The following SHROOM2 variants were observed in gnomAD, a reference collection of about 807,000 sequenced individuals.
SHROOM2 encodes the protein shroom family member 2.
SHROOM2 carries 33 observed loss-of-function variants against 75.9 expected under a neutral mutation model. The ratio of observed to expected loss-of-function variants is 0.43; its 90% CI spans 0.33 to 0.58. The LOEUF is 0.58. Among genes scored for constraint, SHROOM2 ranks in the 20% least tolerant of loss-of-function variants. The probability of loss-of-function intolerance (pLI) is 0.04; values close to 1 mark genes in which losing one functional copy is unlikely to be tolerated. For missense variants in SHROOM2, 1,434 were observed against 1,461.2 expected, an observed-to-expected ratio of 0.98 and a Z score of 0.30; for synonymous variants, 655 against 663.6, an observed-to-expected ratio of 0.99 and a Z score of 0.20.
At chrX:9,804,428 T>C (rs1335252769) in intron 1 of SHROOM2, among the ~76,000 whole-genome samples, 1 of 111,920 alleles carries the variant, frequency 8.9e-6, no homozygotes, top group Non-Finnish European at 1.9e-5. Flanking sequence ...CTTACATTCC[T>C]GGTAGCATCT....
chrX:9,932,703 C>T lies in SHROOM2; in HGVS notation c.3420C>T (p.Ser1140=), dbSNP rs755610751. 5.0e-6 allele frequency: 6 copies of T among 1,211,300 alleles called. No homozygotes were observed. The highest frequency in any genetic ancestry group is 2.2e-5 in the Admixed American group (1 of 46,090). ...TVCERGSQHV[S]GDASRPLPEA... ...GTGAGCGTGGAAGCCAGCATGTGAGCGGGGACGCATCACGTCCTCTGCCAG... is the reference window on the plus strand; with the variant it reads ...GTGAGCGTGGAAGCCAGCATGTGAGTGGGGACGCATCACGTCCTCTGCCAG... The change falls in exon 6 of 10, where the codon AGC becomes AGT. Residue 1140 remains serine, a synonymous_variant. Coordinates refer to ENST00000380913, the MANE Select transcript of SHROOM2 (RefSeq NM_001649.4).
chrX:9,881,572 A>G lies in SHROOM2; in HGVS notation c.317+7769A>G, dbSNP rs751485379. Among the ~76,000 whole-genome samples, 6 of 112,525 alleles carry G rather than the reference A, an allele frequency of 5.3e-5. No individual in the cohort carries two copies. The South Asian group carries it at 2.2e-3, about 42-fold the overall frequency. On this transcript the variant is annotated intron_variant, in intron 2 of 9. Coordinates refer to ENST00000380913, the MANE Select transcript of SHROOM2 (RefSeq NM_001649.4). The stretch of plus-strand genomic sequence containing the variant: ...GTATTTAATAGTTCTCTGAATGTGT[A>G]TAGGATCTGTAAAAAGTTTGGAATA...
At chrX:9,809,031 G>C (rs776563726) in intron 1 of SHROOM2, among the ~76,000 whole-genome samples, 3 of 109,406 alleles carry the variant, frequency 2.7e-5, no homozygotes, top group Non-Finnish European at 5.7e-5. Context: ...ACATCCATTA[G>C]TACTCCCTCC....
chrX:9,806,780 G>T (rs1392467390), intron 1 of SHROOM2, among the ~76,000 whole-genome samples: 2 of 107,863 alleles, frequency 1.9e-5, no homozygotes, highest in Non-Finnish European at 3.8e-5. Flanking sequence ...CTGGAGTGCA[G>T]TGGCACTATC....
Position 9,932,498 on chromosome X carries a change from C to T in SHROOM2, c.3215C>T (p.Pro1072Leu), listed in dbSNP as rs1467849464. The change falls in exon 6 of 10, where the codon CCC becomes CTC. Residue 1072 changes from proline to leucine, a missense_variant. Physicochemically the swap from Pro to Leu is moderately conservative, Grantham distance 98. Transcript: ENST00000380913. ...PQRPPPPKREPRRYRATDGAP... is the reference protein window; with the variant it reads ...PQRPPPPKRELRRYRATDGAP... ...AGGCCACCGCCACCCAAGCGCGAGC[C>T]CAGGAGATACAGGGCCACAGACGGC... 4 of 1,209,556 alleles carry T rather than the reference C, an allele frequency of 3.3e-6. No homozygotes were observed. The South Asian group carries it at 7.0e-5, about 21-fold the overall frequency.
At position 9,932,882 on chromosome X, in the gene SHROOM2, C is replaced by T. The variant is rs913048658; in HGVS notation, c.3587+12C>T. The T allele has an allele frequency of 6.1e-6, 7 of 1,149,506 alleles. No homozygotes were observed. Among genetic ancestry groups the T allele is most frequent in the Admixed American group, 2.4e-5 (1 of 41,686 alleles). 94.7% of individuals were successfully genotyped at this position (1,149,506 alleles called of 1,213,427 possible). On this transcript the variant is annotated intron_variant, in intron 6 of 9. Coordinates refer to ENST00000380913, the MANE Select transcript of SHROOM2 (RefSeq NM_001649.4). ...GAGGATTCAACCAGGTACTGTCCTG[C>T]GACGGTGTTCCCTCCCCATGAGGCT...
chrX:9,808,749 C>CT (rs1244970613), intron 1 of SHROOM2, among the ~76,000 whole-genome samples: 1 of 109,951 alleles, frequency 9.1e-6, no homozygotes, highest in Non-Finnish European at 1.9e-5. Flanking sequence ...ATAATCCCAG[C>CT]TACTCGGGAG....
chrX:9,817,721 A>C (rs1035843220), intron 1 of SHROOM2, among the ~76,000 whole-genome samples: 3 of 112,360 alleles, frequency 2.7e-5, no homozygotes, highest in African/African-American at 9.7e-5. Flanking sequence ...GAGGGACTAG[A>C]GATAAAACTT....
chrX:9,812,009 G>C (rs1186113567), intron 1 of SHROOM2, among the ~76,000 whole-genome samples: 2 of 111,840 alleles, frequency 1.8e-5, no homozygotes, highest in Non-Finnish European at 3.8e-5. Context: ...TTTATGGCTA[G>C]ATGGGCCAGA....
intron 2 of SHROOM2, among the ~76,000 whole-genome samples, chrX:9,882,516 A>T (rs1023355255): frequency 9.0e-6 from 1 of 111,244 alleles, no homozygotes; most frequent in Non-Finnish European, 1.9e-5. Flanking sequence ...TTTCTTTCCA[A>T]CAGTAATGGG....
intron 2 of SHROOM2, among the ~76,000 whole-genome samples, chrX:9,877,786 G>A (rs1428864466): frequency 9.3e-6 from 1 of 108,059 alleles, no homozygotes; most frequent in Non-Finnish European, 1.9e-5. Flanking sequence ...ACTTAGCCCA[G>A]TTGGGTTAGT....
chrX:9,939,442 C>A, intron 8 of SHROOM2, 76 bp downstream of exon 8: 1 of 906,252 alleles, frequency 1.1e-6, no homozygotes, highest in East Asian at 3.4e-5. Context: ...CCATCCTGCC[C>A]CAGCGCAGAC....
At chrX:9,916,599 A>C (rs2084492970) in intron 5 of SHROOM2, among the ~76,000 whole-genome samples, 1 of 112,038 alleles carries the variant, frequency 8.9e-6, no homozygotes, top group South Asian at 3.7e-4. Context: ...CTTCTCCCAA[A>C]ACTTTGTCAA....
intron 1 of SHROOM2, among the ~76,000 whole-genome samples, chrX:9,860,273 C>T (rs1255372535): frequency 1.8e-5 from 2 of 111,587 alleles, no homozygotes; most frequent in Non-Finnish European, 3.8e-5. Context: ...TTGGAGTGTC[C>T]TATTGTTTAT....
intron 1 of SHROOM2, among the ~76,000 whole-genome samples, chrX:9,831,547 A>G (rs1485719349): frequency 8.9e-6 from 1 of 112,274 alleles, no homozygotes; most frequent in Non-Finnish European, 1.9e-5. Flanking sequence ...AATCCCAGCT[A>G]CTTGGGAGGC....
chrX:9,903,864 T>C (rs370674086), intron 5 of SHROOM2, among the ~76,000 whole-genome samples: 1 of 111,369 alleles, frequency 9.0e-6, no homozygotes, highest in South Asian at 3.8e-4. Context: ...TGCCTTACTT[T>C]GCAACTACAA....
At chrX:9,842,914 A>T (rs2083986891) in intron 1 of SHROOM2, among the ~76,000 whole-genome samples, 1 of 111,487 alleles carries the variant, frequency 9.0e-6, no homozygotes, top group Non-Finnish European at 1.9e-5. Context: ...ATTTGACCCC[A>T]GAGCTGTCTG....
At chrX:9,792,059 T>A (rs1240287003) in intron 1 of SHROOM2, among the ~76,000 whole-genome samples, 10,176 of 18,742 alleles carry the variant, frequency 0.54, 1,256 homozygotes, top group Admixed American at 0.65. Flanking sequence ...TAGAATAGAA[T>A]AGAATAGAAT....
chrX:9,925,728 G>C (rs779837637), intron 5 of SHROOM2, among the ~76,000 whole-genome samples: 3 of 112,444 alleles, frequency 2.7e-5, no homozygotes, highest in Non-Finnish European at 5.6e-5. Context: ...ATTTTTGATG[G>C]TATGCTTGTG....
Sources: gnomAD v4.1 joint callset for allele counts (sites outside exome capture counted in the v4.1 genomes callset) on GRCh38, gnomAD v4.1.1 for gene constraint, MANE v1.5 for transcripts, NCBI Gene and HGNC (gene_info 2026-07-23, HGNC 2026-07-21) for gene names.